The following BCL2 variants were observed in gnomAD, a reference collection of about 807,000 sequenced individuals.
BCL2 encodes the protein apoptosis regulator Bcl-2.
Under a neutral mutation model 14.2 loss-of-function variants are expected in BCL2, and 1 was observed. That is an observed-to-expected ratio of 0.07 (90% CI 0.02 to 0.33). The LOEUF is 0.33. Among genes scored for constraint, BCL2 ranks in the 10% least tolerant of loss-of-function variants. The pLI is 0.99. For missense variants in BCL2, 247 were observed against 305.9 expected, an observed-to-expected ratio of 0.81 and a Z score of 1.44; for synonymous variants, 151 against 137.2, an observed-to-expected ratio of 1.10 and a Z score of -0.70.
chr18:63,315,774 A>G (rs930298915), intron 2 of BCL2: 44 of 152,226 alleles, frequency 2.9e-4, no homozygotes, highest in Non-Finnish European at 5.3e-4. Flanking sequence ...TTAATAATGC[A>G]CATTTGAAAT....
Position 63,169,413 on chromosome 18 carries a change from C to CTTTTTCTT in BCL2, c.586-40655_586-40654insAAGAAAAA, listed in dbSNP as rs1568222851. Among the ~76,000 whole-genome samples the CTTTTTCTT allele has an allele frequency of 3.1e-4, 22 of 70,986 alleles. 2 individuals are homozygous for CTTTTTCTT. Among genetic ancestry groups the CTTTTTCTT allele is most frequent in the South Asian group, 1.9e-3 (4 of 2,162 alleles). 46.6% of individuals were successfully genotyped at this position (70,986 alleles called of 152,430 possible). A position where few individuals can be genotyped will look rare whatever the true frequency, so the allele number is the denominator to read the frequency against. On this transcript the variant is annotated intron_variant, in intron 2 of 2. Coordinates refer to ENST00000333681, the MANE Select transcript of BCL2 (RefSeq NM_000633.3). ...TTTTTCTTTCTTTCTTTTTCTTTCT[C>CTTTTTCTT]TCTCTCTCTCTCTCTTTCTTTTTCT...
intron 2 of BCL2, among the ~76,000 whole-genome samples, chr18:63,236,444 C>T (rs1008084105): frequency 7.5e-5 from 9 of 120,780 alleles, no homozygotes; most frequent in African/African-American, 2.6e-4. Flanking sequence ...ATAATGTCAA[C>T]GCCCTACCCT....
intron 2 of BCL2, among the ~76,000 whole-genome samples, chr18:63,279,421 G>C (rs142275579): frequency 6.6e-6 from 1 of 152,196 alleles, no homozygotes; most frequent in African/African-American, 2.4e-5. Flanking sequence ...CATATGAAAA[G>C]ATTATTAGTA....
chr18:63,216,892 T>C lies in BCL2; in HGVS notation c.586-88133A>G, dbSNP rs369742706. On this transcript the variant is annotated intron_variant, in intron 2 of 2. Transcript: ENST00000333681. ...ATTAATTTAAAAGTTTCTATTCAAT[T>C]GTGGTTTTCCTTCTTCTAACAGTTG... Among the ~76,000 whole-genome samples, 7 of 152,322 alleles carry C rather than the reference T, an allele frequency of 4.6e-5. No individual in the cohort carries two copies. The East Asian group carries it at 1.3e-3, about 29-fold the overall frequency.
At chr18:63,184,087 A>C (rs1443294130) in intron 2 of BCL2, among the ~76,000 whole-genome samples, 1 of 152,246 alleles carries the variant, frequency 6.6e-6, no homozygotes, top group Non-Finnish European at 1.5e-5. Flanking sequence ...TCAACTGAGT[A>C]CCTGCAGGAG....
intron 2 of BCL2, among the ~76,000 whole-genome samples, chr18:63,185,809 A>C (rs1251547776): frequency 6.6e-6 from 1 of 152,244 alleles, no homozygotes; most frequent in Non-Finnish European, 1.5e-5. Flanking sequence ...CAACACAGCT[A>C]GTAAGTAACA....
At chr18:63,173,634 G>A (rs914836558) in intron 2 of BCL2, among the ~76,000 whole-genome samples, 1 of 152,146 alleles carries the variant, frequency 6.6e-6, no homozygotes, top group Non-Finnish European at 1.5e-5. Context: ...TCTCCACCCT[G>A]TACAAATGAG....
intron 2 of BCL2, among the ~76,000 whole-genome samples, chr18:63,136,913 A>T (rs1398841051): frequency 6.6e-6 from 1 of 152,222 alleles, no homozygotes; most frequent in Admixed American, 6.5e-5. Flanking sequence ...AGGCCAGGGG[A>T]CAGGACAGAA....
chr18:63,145,422 C>T (rs1032118230), intron 2 of BCL2, among the ~76,000 whole-genome samples: 5 of 148,252 alleles, frequency 3.4e-5, no homozygotes, highest in Non-Finnish European at 5.9e-5. Context: ...CTGGGCCGCT[C>T]GCCCCACTGC....
chr18:63,205,279 G>T (rs1339363334), intron 2 of BCL2, among the ~76,000 whole-genome samples: 1 of 152,134 alleles, frequency 6.6e-6, no homozygotes, highest in African/African-American at 2.4e-5. Context: ...TGTACACCTG[G>T]CTGTCTTCCC....
intron 2 of BCL2, among the ~76,000 whole-genome samples, chr18:63,308,508 A>G (rs8099362): frequency 0.39 from 59,560 of 152,052 alleles, 11,778 homozygotes; most frequent in Middle Eastern, 0.43. Flanking sequence ...ATGTACATAC[A>G]CTGTGTGTCT....
chr18:63,317,454 T>C, intron 2 of BCL2: 2 of 801,928 alleles, frequency 2.5e-6, no homozygotes, highest in Non-Finnish European at 3.0e-6. Flanking sequence ...ACACTGGAGA[T>C]TCCAGTCCAA....
chr18:63,302,713 G>A, intron 2 of BCL2: 1 of 985,262 alleles, frequency 1.0e-6, no homozygotes, highest in African/African-American at 1.7e-5. Context: ...AAAGTAGGGG[G>A]GAAAAAGAGG....
In BCL2 at chr18:63,176,262, T is replaced by C. The variant is rs76640921; in HGVS notation, c.586-47503A>G. Among the ~76,000 whole-genome samples the C allele has an allele frequency of 1.2e-3, 185 of 152,320 alleles. 3 individuals are homozygous for C. The East Asian group carries it at 0.025, about 20-fold the overall frequency. ...TAATGATGAGACCTAACCTAACAAATTGGTCTGTCTCTCATCCTCTGGCCA... is the reference window on the plus strand; with the variant it reads ...TAATGATGAGACCTAACCTAACAAACTGGTCTGTCTCTCATCCTCTGGCCA... On this transcript the variant is annotated intron_variant, in intron 2 of 2. Transcript: ENST00000333681.
chr18:63,246,872 C>A (rs991488565), intron 2 of BCL2, among the ~76,000 whole-genome samples: 1 of 152,168 alleles, frequency 6.6e-6, no homozygotes, highest in African/African-American at 2.4e-5. Flanking sequence ...AGCCATGGCC[C>A]ATTCTTAGAC....
chr18:63,183,979 C>T (rs1027364416), intron 2 of BCL2, among the ~76,000 whole-genome samples: 1 of 152,172 alleles, frequency 6.6e-6, no homozygotes, highest in African/African-American at 2.4e-5. Flanking sequence ...ACATACCATC[C>T]CCAGGACCAC....
intron 2 of BCL2, among the ~76,000 whole-genome samples, chr18:63,262,071 C>A (rs533534423): frequency 3.0e-5 from 4 of 131,520 alleles, no homozygotes; most frequent in Admixed American, 3.0e-4. Context: ...TGAGCCACTG[C>A]GCCCAGCCAA....
chr18:63,194,480 G>A (rs781027246), intron 2 of BCL2, among the ~76,000 whole-genome samples: 13 of 151,844 alleles, frequency 8.6e-5, no homozygotes, highest in Non-Finnish European at 1.9e-4. Flanking sequence ...GATTACAGGC[G>A]TGCGCTACCA....
At chr18:63,266,943 A>G (rs1911850350) in intron 2 of BCL2, among the ~76,000 whole-genome samples, 1 of 152,240 alleles carries the variant, frequency 6.6e-6, no homozygotes, top group Admixed American at 6.5e-5. Context: ...CAAGGAAGAC[A>G]TCTCTGAAAA....
Sources: gnomAD v4.1 joint callset for allele counts (sites outside exome capture counted in the v4.1 genomes callset) on GRCh38, gnomAD v4.1.1 for gene constraint, MANE v1.5 for transcripts, NCBI Gene and HGNC (gene_info 2026-07-23, HGNC 2026-07-21) for gene names.